UNC13C: variants seen among roughly 807,000 people sequenced by gnomAD.
UNC13C encodes protein unc-13 homolog C.
In UNC13C, 174 loss-of-function variants were observed where a neutral mutation model predicts 245.4. That is an observed-to-expected ratio of 0.71 (90% CI 0.63 to 0.80). The LOEUF (loss-of-function observed/expected upper bound fraction) is 0.80. Ranked by LOEUF, UNC13C falls within the 30% of genes least tolerant of loss-of-function variation. UNC13C has a pLI of 0.00. For synonymous variants in UNC13C, 992 were observed against 895.1 expected (o/e 1.11, Z -1.93); for missense variants, 2,829 against 2,602.9 (o/e 1.09, Z -1.89).
At chr15:54,060,968 G>T (rs747590156) in intron 2 of UNC13C, among the ~76,000 whole-genome samples, 25 of 152,250 alleles carry the variant, frequency 1.6e-4, no homozygotes, top group Non-Finnish European at 3.1e-4. Context: ...GGACTGTTGT[G>T]GGGTAGGGGG....
chr15:54,343,272 T>C (rs1567201986), intron 17 of UNC13C, among the ~76,000 whole-genome samples: 1 of 152,076 alleles, frequency 6.6e-6, no homozygotes, highest in African/African-American at 2.4e-5. Flanking sequence ...TAGCTGGGAT[T>C]ACAGAGGCCC....
rs531551413 is a variant in UNC13C at position 54,078,053 on chromosome 15, C to T, written c.2983+62167C>T. On this transcript the variant is annotated intron_variant, in intron 2 of 32. Coordinates refer to ENST00000260323, the MANE Select transcript of UNC13C (RefSeq NM_001080534.3). ...ATGTGTACTCATTGTTTAGCTCCCA[C>T]TTATTAGTGAGCACGTGGTATTTTT... 7.9e-5 allele frequency among the ~76,000 whole-genome samples: 12 copies of T among 152,262 alleles called. No individual in the cohort carries two copies. In the South Asian group the frequency reaches 2.5e-3, roughly 32 times the overall value.
At chr15:53,954,241 T>C in the UNC13C span, among the ~76,000 whole-genome samples, 1 of 152,246 alleles carries the variant, frequency 6.6e-6, no homozygotes, top group African/African-American at 2.4e-5. Flanking sequence ...ATGTTCCATG[T>C]GCATATCTAT....
chr15:54,095,600 C>T (rs936241195), intron 2 of UNC13C, among the ~76,000 whole-genome samples: 1 of 152,200 alleles, frequency 6.6e-6, no homozygotes, highest in Non-Finnish European at 1.5e-5. Flanking sequence ...AATGCTGAAT[C>T]TTAGGTCTCA....
At chr15:54,145,860 T>C (rs2032233323) in intron 4 of UNC13C, among the ~76,000 whole-genome samples, 1 of 152,236 alleles carries the variant, frequency 6.6e-6, no homozygotes, top group Admixed American at 6.5e-5. Context: ...TTAATCTACA[T>C]CCATGCTTTT....
At chr15:54,143,776 A>G (rs2032133921) in intron 4 of UNC13C, 92 bp downstream of exon 4, 5 of 876,352 alleles carry the variant, frequency 5.7e-6, no homozygotes, top group African/African-American at 1.7e-5. Flanking sequence ...AAGATGCTGC[A>G]TGATTAGCTA....
At chr15:54,223,872 TG>T (rs1219770522) in intron 4 of UNC13C, among the ~76,000 whole-genome samples, 5 of 152,014 alleles carry the variant, frequency 3.3e-5, no homozygotes, top group African/African-American at 1.2e-4. Context: ...TAAGTTAATT[TG>T]TAGGGTTTTA....
At chr15:54,570,964 A>C (rs1214446114) in intron 30 of UNC13C, among the ~76,000 whole-genome samples, 1 of 152,212 alleles carries the variant, frequency 6.6e-6, no homozygotes, top group Non-Finnish European at 1.5e-5. Context: ...CAATTCTTTG[A>C]ACATTTGACA....
intron 16 of UNC13C, 149 bp downstream of exon 16, chr15:54,334,005 T>C: frequency 1.8e-6 from 1 of 570,570 alleles, no homozygotes; most frequent in Non-Finnish European, 3.1e-6. Context: ...CGATGAATCT[T>C]CCAATATAAG....
chr15:54,433,475 A>T (rs1477167762), intron 19 of UNC13C, among the ~76,000 whole-genome samples: 1 of 152,160 alleles, frequency 6.6e-6, no homozygotes, highest in Non-Finnish European at 1.5e-5. Context: ...AGAACCAATG[A>T]CAAAAACCAC....
intron 16 of UNC13C, among the ~76,000 whole-genome samples, chr15:54,335,496 A>C (rs2038550326): frequency 6.6e-6 from 1 of 152,144 alleles, no homozygotes; most frequent in Non-Finnish European, 1.5e-5. Flanking sequence ...CACCAGAGCA[A>C]TAAGATACAG....
intron 8 of UNC13C, among the ~76,000 whole-genome samples, chr15:54,256,658 A>C (rs62011962): frequency 0.16 from 23,780 of 152,132 alleles, 2,029 homozygotes; most frequent in African/African-American, 0.22. Context: ...ATTAAAATAA[A>C]ATAAAACAAT....
At chr15:53,852,858 C>T in the UNC13C span, among the ~76,000 whole-genome samples, 1,466 of 151,980 alleles carry the variant, frequency 9.6e-3, 13 homozygotes, top group Middle Eastern at 0.048. Flanking sequence ...AATCTAGTTA[C>T]CTGTTTATTT....
chr15:53,934,316 C>G, the UNC13C span, among the ~76,000 whole-genome samples: 23 of 152,176 alleles, frequency 1.5e-4, no homozygotes, highest in African/African-American at 5.3e-4. Flanking sequence ...AACACTCACA[C>G]CTCACTGCAT....
At chr15:54,491,597 T>C (rs1271762888) in intron 19 of UNC13C, among the ~76,000 whole-genome samples, 6 of 152,234 alleles carry the variant, frequency 3.9e-5, no homozygotes, top group Admixed American at 6.5e-5. Flanking sequence ...TTTGTTCTTA[T>C]AATAAAAATT....
chr15:53,969,659 C>T, the UNC13C span, among the ~76,000 whole-genome samples: 3 of 144,414 alleles, frequency 2.1e-5, no homozygotes, highest in South Asian at 2.2e-4. Flanking sequence ...GCACTCCAGC[C>T]TGGGCATCAG....
chr15:54,616,051 C>G (rs1236104747), intron 30 of UNC13C, among the ~76,000 whole-genome samples: 1 of 151,994 alleles, frequency 6.6e-6, no homozygotes, highest in African/African-American at 2.4e-5. Flanking sequence ...AGTTAGGATA[C>G]CTAAATTCCC....
At chr15:54,419,422 G>A (rs1398181958) in intron 19 of UNC13C, among the ~76,000 whole-genome samples, 1 of 152,090 alleles carries the variant, frequency 6.6e-6, no homozygotes, top group Non-Finnish European at 1.5e-5. Flanking sequence ...GAAGTTCAAT[G>A]GCTAATAACT....
At chr15:54,138,977 T>TTTTTTTTTTTTTTTTTTTTTTTTTC (rs2031878267) in intron 2 of UNC13C, among the ~76,000 whole-genome samples, 1 of 139,558 alleles carries the variant, frequency 7.2e-6, no homozygotes, top group African/African-American at 2.8e-5. Flanking sequence ...TTTTTTTTTT[T>TTTTTTTTTTTTTTTTTTTTTTTTTC]TGAGACGGAG....
Sources: gnomAD v4.1 joint callset for allele counts (sites outside exome capture counted in the v4.1 genomes callset) on GRCh38, gnomAD v4.1.1 for gene constraint, MANE v1.5 for transcripts, NCBI Gene and HGNC (gene_info 2026-07-23, HGNC 2026-07-21) for gene names.